PRELID2: variants seen among roughly 807,000 people sequenced by gnomAD.
The protein encoded by PRELID2 is PRELI domain containing 2.
PRELID2 carries 25 observed loss-of-function variants against 28.4 expected under a neutral mutation model. That is an observed-to-expected ratio of 0.88 (90% CI 0.64 to 1.23). The LOEUF (loss-of-function observed/expected upper bound fraction) is 1.23, where lower values mean the gene tolerates loss of function less well. PRELID2 is among the 50% of genes most tolerant of loss of function. PRELID2 has a pLI of 0.00. For synonymous variants in PRELID2, 76 were observed against 71.6 expected (o/e 1.06, Z -0.31); for missense variants, 201 against 214.4 (o/e 0.94, Z 0.39).
chr5:145,774,526 T>C (rs963005967), intron 5 of PRELID2, among the ~76,000 whole-genome samples: 1 of 152,180 alleles, frequency 6.6e-6, no homozygotes, highest in African/African-American at 2.4e-5. Context: ...CTGATTTATA[T>C]ATGGACTCTA....
At chr5:145,529,252 C>T (rs1437102647) in intron 1 of PRELID2, among the ~76,000 whole-genome samples, 3 of 152,140 alleles carry the variant, frequency 2.0e-5, no homozygotes, top group Non-Finnish European at 2.9e-5. Flanking sequence ...TCTGTGCTAA[C>T]CAAAGGCAAT....
the PRELID2 span, among the ~76,000 whole-genome samples, chr5:145,254,964 A>G: frequency 1.3e-5 from 2 of 152,000 alleles, no homozygotes; most frequent in Non-Finnish European, 2.9e-5. Flanking sequence ...GATGCTTCTA[A>G]AAAGCTGAAT....
chr5:145,799,198 A>G (rs2149822671), intron 4 of PRELID2, among the ~76,000 whole-genome samples: 1 of 150,368 alleles, frequency 6.7e-6, no homozygotes, highest in South Asian at 2.1e-4. Flanking sequence ...CAAGAAGTGA[A>G]TGGAATGACA....
intron 1 of PRELID2, among the ~76,000 whole-genome samples, chr5:145,731,188 A>G (rs1273606323): frequency 4.6e-5 from 7 of 152,210 alleles, no homozygotes; most frequent in Non-Finnish European, 1.0e-4. Context: ...TGCATTTCAC[A>G]GGGGAAATTA....
At chr5:145,592,397 G>A (rs1298415768) in intron 1 of PRELID2, among the ~76,000 whole-genome samples, 1 of 151,888 alleles carries the variant, frequency 6.6e-6, no homozygotes, top group Non-Finnish European at 1.5e-5. Context: ...TCCAGCCTGG[G>A]CAACAGAGCG....
chr5:145,772,891 G>T (rs1385541291), intron 5 of PRELID2, among the ~76,000 whole-genome samples: 1 of 152,104 alleles, frequency 6.6e-6, no homozygotes, highest in African/African-American at 2.4e-5. Context: ...TCTACAAACT[G>T]TTTTAAAGAC....
At chr5:145,424,461 G>A in the PRELID2 span, among the ~76,000 whole-genome samples, 112 of 152,294 alleles carry the variant, frequency 7.4e-4, 1 homozygote, top group African/African-American at 2.4e-3. Flanking sequence ...TAAGCCCGTC[G>A]GAAAAGCGCA....
the PRELID2 span, among the ~76,000 whole-genome samples, chr5:145,319,366 A>T: frequency 2.0e-5 from 3 of 152,114 alleles, no homozygotes; most frequent in Non-Finnish European, 4.4e-5. Flanking sequence ...AGTTGTATGA[A>T]GTTAAAAAGT....
the PRELID2 span, chr5:145,451,015 T>C: frequency 6.6e-6 from 1 of 152,306 alleles, no homozygotes; most frequent in South Asian, 2.1e-4. Flanking sequence ...CAAGTTGAAG[T>C]ATATTGGGAG....
chr5:145,597,061 C>T (rs1753317400), intron 1 of PRELID2, among the ~76,000 whole-genome samples: 1 of 152,068 alleles, frequency 6.6e-6, no homozygotes, highest in Admixed American at 6.6e-5. Context: ...TAGAGTTAAC[C>T]TTGCTGAACA....
intron 1 of PRELID2, among the ~76,000 whole-genome samples, chr5:145,558,629 T>C (rs966908592): frequency 1.3e-5 from 2 of 152,190 alleles, no homozygotes; most frequent in African/African-American, 4.8e-5. Flanking sequence ...AGCCATGCCT[T>C]AGAGCATACC....
intron 1 of PRELID2, among the ~76,000 whole-genome samples, chr5:145,673,930 T>G (rs1754761699): frequency 6.6e-6 from 1 of 152,178 alleles, no homozygotes; most frequent in East Asian, 1.9e-4. Context: ...CTTTCCATAT[T>G]CTAGGCAAGG....
chr5:145,294,964 A>AG, the PRELID2 span, among the ~76,000 whole-genome samples: 1 of 152,158 alleles, frequency 6.6e-6, no homozygotes, highest in Non-Finnish European at 1.5e-5. Flanking sequence ...AGAGCAAAAA[A>AG]CACATCAGAG....
intron 5 of PRELID2, among the ~76,000 whole-genome samples, chr5:145,782,767 C>T (rs561328229): frequency 2.6e-5 from 4 of 152,290 alleles, no homozygotes; most frequent in Non-Finnish European, 5.9e-5. Context: ...GCTCTTAAAT[C>T]CCTAGTTAGC....
the PRELID2 span, among the ~76,000 whole-genome samples, chr5:145,236,630 C>T: frequency 1.3e-5 from 2 of 152,116 alleles, no homozygotes; most frequent in African/African-American, 4.8e-5. Flanking sequence ...ATTTCTTCAA[C>T]CTACCCAGAG....
chr5:145,735,242 C>T (rs529993906), intron 1 of PRELID2, among the ~76,000 whole-genome samples: 4 of 126,440 alleles, frequency 3.2e-5, no homozygotes, highest in African/African-American at 1.4e-4. Context: ...GAGTCTCCAT[C>T]TCAAAAAAAA....
At chr5:145,357,018 A>C in the PRELID2 span, among the ~76,000 whole-genome samples, 1 of 152,136 alleles carries the variant, frequency 6.6e-6, no homozygotes, top group African/African-American at 2.4e-5. Context: ...GCTGTATATA[A>C]AATTCTTGGT....
the PRELID2 span, among the ~76,000 whole-genome samples, chr5:145,245,016 T>C: frequency 1.3e-5 from 2 of 152,126 alleles, no homozygotes; most frequent in South Asian, 4.1e-4. Context: ...TTTCTCTTTA[T>C]GTTATTTTTA....
At chr5:145,713,946 C>T (rs1199766871) in intron 1 of PRELID2, among the ~76,000 whole-genome samples, 1 of 150,946 alleles carries the variant, frequency 6.6e-6, no homozygotes, top group Non-Finnish European at 1.5e-5. Flanking sequence ...AATTGTTCTT[C>T]AAATATGCAT....
Sources: gnomAD v4.1 joint callset for allele counts (sites outside exome capture counted in the v4.1 genomes callset) on GRCh38, gnomAD v4.1.1 for gene constraint, MANE v1.5 for transcripts, NCBI Gene and HGNC (gene_info 2026-07-23, HGNC 2026-07-21) for gene names.